The following TUSC3 variants were observed in gnomAD, a reference collection of about 807,000 sequenced individuals.
TUSC3 encodes dolichyl-diphosphooligosaccharide--protein glycosyltransferase subunit TUSC3.
Under a neutral mutation model 44.8 loss-of-function variants are expected in TUSC3, and 45 were observed. The observed-to-expected ratio is 1.00, with a 90% CI of 0.79 to 1.29. The LOEUF is 1.29. TUSC3 is among the 50% of genes most tolerant of loss of function. The pLI is 0.00. For missense variants in TUSC3, 519 were observed against 437.9 expected, an observed-to-expected ratio of 1.19 and a Z score of -1.65; for synonymous variants, 212 against 152.9, an observed-to-expected ratio of 1.39 and a Z score of -2.85.
intron 7 of TUSC3, among the ~76,000 whole-genome samples, chr8:15,742,903 A>G (rs964217703): frequency 4.6e-5 from 7 of 152,240 alleles, no homozygotes; most frequent in African/African-American, 1.7e-4. Flanking sequence ...TAGCATGAAT[A>G]TATCCATCCT....
chr8:15,747,935 G>T (rs910046226), intron 8 of TUSC3, among the ~76,000 whole-genome samples: 7 of 152,090 alleles, frequency 4.6e-5, no homozygotes, highest in African/African-American at 1.7e-4. Context: ...CATCGGAAAA[G>T]ATCAAAATTA....
chr8:15,426,693 T>C (rs1799808501), intron 1 of TUSC3, among the ~76,000 whole-genome samples: 1 of 152,236 alleles, frequency 6.6e-6, no homozygotes, highest in Admixed American at 6.5e-5. Flanking sequence ...GTAATGAACA[T>C]GGGTGAAGCT....
intron 1 of TUSC3, among the ~76,000 whole-genome samples, chr8:15,418,698 G>A (rs1244614195): frequency 6.6e-6 from 1 of 152,146 alleles, no homozygotes; most frequent in Non-Finnish European, 1.5e-5. Flanking sequence ...CAATACCTAA[G>A]AGTTAAAATT....
intron 1 of TUSC3, among the ~76,000 whole-genome samples, chr8:15,597,572 TAACATCTAAAATACTAAC>T (rs1390156421): frequency 1.3e-5 from 2 of 152,080 alleles, no homozygotes; most frequent in South Asian, 2.1e-4. Context: ...AAAATATGAA[TAACATCTAAAATACTAAC>T]AACATCTAAA....
chr8:15,792,399 T>C, the TUSC3 span, among the ~76,000 whole-genome samples: 2 of 152,196 alleles, frequency 1.3e-5, no homozygotes, highest in Admixed American at 6.5e-5. Context: ...AAGATTTATC[T>C]GAAGAGATCA....
At position 15,673,640 on chromosome 8, in the gene TUSC3, A is replaced by T. The variant is rs1282867693; in HGVS notation, c.709-107A>T. 3 of 952,712 alleles carry T rather than the reference A, an allele frequency of 3.1e-6. No individual in the cohort carries two copies. In the Admixed American group the frequency reaches 5.5e-5, roughly 18 times the overall value. 59.0% of individuals were successfully genotyped at this position (952,712 alleles called of 1,614,324 possible). On this transcript the variant is annotated intron_variant, in intron 5 of 10. Transcript: ENST00000503731. ...GAAATTTTTTAAAATGTGTGAGCTG[A>T]TACATGATTTTTAAAAGATACTTTC...
intron 1 of TUSC3, among the ~76,000 whole-genome samples, chr8:15,595,048 C>G (rs1804006010): frequency 6.6e-6 from 1 of 152,146 alleles, no homozygotes; most frequent in Non-Finnish European, 1.5e-5. Context: ...CTAAGGGGGA[C>G]TGGAACAGAA....
chr8:15,424,077 A>C (rs1344417812), intron 1 of TUSC3, among the ~76,000 whole-genome samples: 1 of 131,146 alleles, frequency 7.6e-6, no homozygotes, highest in Non-Finnish European at 1.5e-5. Flanking sequence ...TGCAACCTCT[A>C]CCTCCTGGGT....
chr8:15,609,312 T>C (rs530259030), intron 1 of TUSC3, among the ~76,000 whole-genome samples: 162 of 152,286 alleles, frequency 1.1e-3, no homozygotes, highest in African/African-American at 3.6e-3. Flanking sequence ...TATGATATAA[T>C]GTATTACTAC....
intron 1 of TUSC3, among the ~76,000 whole-genome samples, chr8:15,467,464 C>T (rs1585055852): frequency 6.6e-6 from 1 of 152,078 alleles, no homozygotes; most frequent in Middle Eastern, 3.2e-3. Flanking sequence ...TATAATTCTG[C>T]TGTGGGCTAG....
chr8:15,436,986 C>G (rs185781104), intron 1 of TUSC3, among the ~76,000 whole-genome samples: 2 of 152,240 alleles, frequency 1.3e-5, no homozygotes, highest in East Asian at 1.9e-4. Flanking sequence ...TAGTACACAA[C>G]TGGCTATTTA....
chr8:15,654,337 G>A (rs1342013196), intron 3 of TUSC3, among the ~76,000 whole-genome samples: 1 of 152,114 alleles, frequency 6.6e-6, no homozygotes, highest in Non-Finnish European at 1.5e-5. Flanking sequence ...GTAACTGTGT[G>A]CTTTGTTCAG....
At chr8:15,550,194 G>A (rs2129136275) in intron 1 of TUSC3, among the ~76,000 whole-genome samples, 1 of 151,826 alleles carries the variant, frequency 6.6e-6, no homozygotes. Context: ...GTGGCACCGG[G>A]CTGTCTGTCT....
intron 10 of TUSC3, among the ~76,000 whole-genome samples, chr8:15,759,965 T>C (rs1237833422): frequency 2.6e-5 from 4 of 152,140 alleles, no homozygotes; most frequent in Non-Finnish European, 5.9e-5. Context: ...TTGGCCTACA[T>C]TACTTTTCTG....
chr8:15,527,709 G>C (rs746127743), intron 2 of TUSC3, among the ~76,000 whole-genome samples: 1 of 152,132 alleles, frequency 6.6e-6, no homozygotes, highest in Non-Finnish European at 1.5e-5. Context: ...CAGGCCTACA[G>C]CTCGAATACT....
chr8:15,492,377 A>G (rs1289950989), intron 2 of TUSC3, among the ~76,000 whole-genome samples: 1 of 152,202 alleles, frequency 6.6e-6, no homozygotes. Context: ...CCACTTTATT[A>G]TTTAAAAAAC....
At chr8:15,639,773 A>G (rs886270650) in intron 2 of TUSC3, among the ~76,000 whole-genome samples, 4 of 119,968 alleles carry the variant, frequency 3.3e-5, no homozygotes, top group African/African-American at 1.3e-4. Context: ...TCTTAGATGC[A>G]TAAGAGTCGT....
chr8:15,434,188 T>C (rs1210848965), intron 1 of TUSC3, among the ~76,000 whole-genome samples: 1 of 152,200 alleles, frequency 6.6e-6, no homozygotes, highest in Non-Finnish European at 1.5e-5. Flanking sequence ...GCTGTAATTT[T>C]TATTACCCTA....
At chr8:15,538,759 G>T (rs1326545458), upstream of TUSC3, among the ~76,000 whole-genome samples, 1 of 151,972 alleles carries the variant, frequency 6.6e-6, no homozygotes, top group African/African-American at 2.4e-5. Context: ...GTTTCCTACA[G>T]AAATTATTTT....
Sources: gnomAD v4.1 joint callset for allele counts (sites outside exome capture counted in the v4.1 genomes callset) on GRCh38, gnomAD v4.1.1 for gene constraint, MANE v1.5 for transcripts, NCBI Gene and HGNC (gene_info 2026-07-23, HGNC 2026-07-21) for gene names.